The following CSMD1 variants were observed in gnomAD, a reference collection of about 807,000 sequenced individuals.
CSMD1 encodes the protein CUB and sushi domain-containing protein 1.
In CSMD1, 213 loss-of-function variants were observed where a neutral mutation model predicts 417.5. The observed-to-expected ratio is 0.51, with a 90% CI of 0.46 to 0.57. The LOEUF (loss-of-function observed/expected upper bound fraction) is 0.57, where lower values mean the gene tolerates loss of function less well. CSMD1 is among the 20% of genes least tolerant of loss of function. The probability of loss-of-function intolerance (pLI) is 0.00; values close to 1 mark genes in which losing one functional copy is unlikely to be tolerated. For synonymous variants in CSMD1, 2,862 were observed against 1,736.8 expected (o/e 1.65, Z -16.11); for missense variants, 6,923 against 4,529.7 (o/e 1.53, Z -15.17).
At chr8:4,182,075 G>C (rs1007265564) in intron 3 of CSMD1, among the ~76,000 whole-genome samples, 1 of 151,002 alleles carries the variant, frequency 6.6e-6, no homozygotes, top group Non-Finnish European at 1.5e-5. Flanking sequence ...CCTAAATTAG[G>C]TATTTAAACC....
At chr8:3,611,741 T>C (rs1242044885) in intron 8 of CSMD1, among the ~76,000 whole-genome samples, 1 of 152,110 alleles carries the variant, frequency 6.6e-6, no homozygotes, top group African/African-American at 2.4e-5. Context: ...AAATAATGTA[T>C]AGGACAATGT....
chr8:4,257,125 TCAC>T (rs1415859987), intron 3 of CSMD1, among the ~76,000 whole-genome samples: 5 of 152,226 alleles, frequency 3.3e-5, no homozygotes, highest in Non-Finnish European at 7.3e-5. Flanking sequence ...TGAGTCATAC[TCAC>T]CACATTTGTT....
chr8:3,489,201 G>A (rs552706031), intron 11 of CSMD1, among the ~76,000 whole-genome samples: 2 of 152,176 alleles, frequency 1.3e-5, no homozygotes, highest in Non-Finnish European at 2.9e-5. Flanking sequence ...ATGCCAGGCA[G>A]TGTCTGGGAG....
In CSMD1 at chr8:3,151,557, T is replaced by A. The variant is rs960042174; in HGVS notation, c.5915-44A>T. The A allele has an allele frequency of 7.8e-5, 100 of 1,277,616 alleles. No homozygotes were observed. The East Asian group carries it at 2.4e-3, about 31-fold the overall frequency. 79.1% of individuals were successfully genotyped at this position (1,277,616 alleles called of 1,614,324 possible). A position where few individuals can be genotyped will look rare whatever the true frequency, so the allele number is the denominator to read the frequency against. On this transcript the variant is annotated intron_variant, in intron 39 of 69. Transcript: ENST00000635120. ...GTCAGTCCTGCAGGTCCTCACTTTC[T>A]CCCTGGAATCTTTGCTCCAACCTGC...
chr8:4,175,202 T>C (rs1253203702), intron 3 of CSMD1, among the ~76,000 whole-genome samples: 5 of 152,046 alleles, frequency 3.3e-5, no homozygotes, highest in Admixed American at 6.5e-5. Flanking sequence ...CTGGGGAAAA[T>C]TGAGCTCAAG....
intron 26 of CSMD1, among the ~76,000 whole-genome samples, chr8:3,251,607 A>G (rs1290461628): frequency 6.6e-6 from 1 of 152,176 alleles, no homozygotes; most frequent in East Asian, 1.9e-4. Context: ...GAAGAAAGTC[A>G]TTGGTAGCTT....
intron 38 of CSMD1, among the ~76,000 whole-genome samples, chr8:3,159,946 C>T (rs928679941): frequency 6.6e-6 from 1 of 151,992 alleles, no homozygotes; most frequent in African/African-American, 2.4e-5. Flanking sequence ...AGAGGAACAT[C>T]GATGAGCAAG....
At chr8:3,878,015 G>C (rs1405992576) in intron 5 of CSMD1, among the ~76,000 whole-genome samples, 2 of 151,528 alleles carry the variant, frequency 1.3e-5, no homozygotes, top group Non-Finnish European at 2.9e-5. Flanking sequence ...ACTTTCCAAA[G>C]ATAAAATGAT....
chr8:4,070,649 G>A (rs542741966), intron 3 of CSMD1, among the ~76,000 whole-genome samples: 26 of 152,114 alleles, frequency 1.7e-4, no homozygotes, highest in South Asian at 4.2e-4. Context: ...GAGCCACCGT[G>A]CCCGGCCACC....
intron 11 of CSMD1, among the ~76,000 whole-genome samples, chr8:3,485,099 C>A (rs1400349305): frequency 6.6e-6 from 1 of 152,186 alleles, no homozygotes; most frequent in Non-Finnish European, 1.5e-5. Flanking sequence ...GTTTACATAA[C>A]AACCTATACA....
At chr8:3,471,335 T>A (rs544363598) in intron 11 of CSMD1, among the ~76,000 whole-genome samples, 1 of 152,324 alleles carries the variant, frequency 6.6e-6, no homozygotes, top group East Asian at 1.9e-4. Flanking sequence ...CTTGATATAT[T>A]GTAGTACAGA....
At chr8:3,357,811 C>G (rs1299217196) in intron 21 of CSMD1, among the ~76,000 whole-genome samples, 2 of 151,970 alleles carry the variant, frequency 1.3e-5, no homozygotes, top group African/African-American at 2.4e-5. Context: ...CTTCCATTCT[C>G]AAATAAATAT....
intron 3 of CSMD1, among the ~76,000 whole-genome samples, chr8:4,160,751 T>C (rs1219510635): frequency 1.3e-5 from 2 of 152,240 alleles, no homozygotes; most frequent in Non-Finnish European, 2.9e-5. Flanking sequence ...TGATACTACA[T>C]TTACTCAGTC....
intron 49 of CSMD1, among the ~76,000 whole-genome samples, chr8:3,056,343 C>G (rs1224835683): frequency 6.6e-6 from 1 of 152,112 alleles, no homozygotes; most frequent in Non-Finnish European, 1.5e-5. Context: ...AACTTTGTTT[C>G]CGCAGGCTTA....
intron 3 of CSMD1, among the ~76,000 whole-genome samples, chr8:4,114,136 A>G (rs1349731800): frequency 1.3e-5 from 2 of 152,210 alleles, no homozygotes; most frequent in African/African-American, 4.8e-5. Flanking sequence ...GAAAGAGGGT[A>G]AGTCAATGCT....
chr8:3,663,678 G>A (rs905405304), intron 7 of CSMD1, among the ~76,000 whole-genome samples: 1 of 152,204 alleles, frequency 6.6e-6, no homozygotes, highest in African/African-American at 2.4e-5. Flanking sequence ...TTCTACCTAT[G>A]AACTGGAAAC....
At chr8:2,982,512 G>C (rs1353423618) in intron 54 of CSMD1, among the ~76,000 whole-genome samples, 1 of 152,206 alleles carries the variant, frequency 6.6e-6, no homozygotes, top group Non-Finnish European at 1.5e-5. Context: ...GATGAAGGAA[G>C]CCTGAAAACA....
chr8:3,358,537 C>A (rs1462439655), intron 21 of CSMD1, among the ~76,000 whole-genome samples: 1 of 152,178 alleles, frequency 6.6e-6, no homozygotes, highest in African/African-American at 2.4e-5. Flanking sequence ...GATCAGCAAG[C>A]CAATTCCTGC....
chr8:3,952,674 G>A (rs142862321), intron 5 of CSMD1, among the ~76,000 whole-genome samples: 4 of 152,152 alleles, frequency 2.6e-5, no homozygotes, highest in African/African-American at 9.7e-5. Context: ...AAATCAAAGA[G>A]ATATTATTGT....
Sources: allele counts gnomAD v4.1 joint callset (sites outside exome capture counted in the v4.1 genomes callset), GRCh38; gene constraint gnomAD v4.1.1; transcripts MANE v1.5; gene names NCBI Gene and HGNC (gene_info 2026-07-23, HGNC 2026-07-21).